CNTNAP2: variants seen among roughly 807,000 people sequenced by gnomAD.
CNTNAP2 encodes contactin associated protein 2.
Under a neutral mutation model 155.2 loss-of-function variants are expected in CNTNAP2, and 98 were observed. That is an observed-to-expected ratio of 0.63 (90% CI 0.54 to 0.75). The LOEUF (loss-of-function observed/expected upper bound fraction) is 0.75, where lower values mean the gene tolerates loss of function less well. Among genes scored for constraint, CNTNAP2 ranks in the 30% least tolerant of loss-of-function variants. The pLI, the probability that CNTNAP2 is intolerant of heterozygous loss-of-function variation, is 0.00. For synonymous variants in CNTNAP2, 651 were observed against 631.2 expected (o/e 1.03, Z -0.47); for missense variants, 1,727 against 1,688.1 (o/e 1.02, Z -0.40).
chr7:147,300,067 AT>A, intron 8 of CNTNAP2, 73 bp from the exon 9 acceptor site: 1 of 1,485,736 alleles, frequency 6.7e-7, no homozygotes, highest in Non-Finnish European at 9.4e-7. Flanking sequence ...TAAAATCGTG[AT>A]TTGTTGATTT....
intron 1 of CNTNAP2, among the ~76,000 whole-genome samples, chr7:146,257,738 A>G (rs1799860789): frequency 6.6e-6 from 1 of 152,214 alleles, no homozygotes; most frequent in South Asian, 2.1e-4. Flanking sequence ...TCAGGTGATA[A>G]TAAGGTCACT....
intron 4 of CNTNAP2, among the ~76,000 whole-genome samples, chr7:147,067,081 A>G (rs1269212137): frequency 6.6e-6 from 1 of 152,136 alleles, no homozygotes; most frequent in Non-Finnish European, 1.5e-5. Context: ...TCACGAGGTC[A>G]AGAGACCGAG....
At chr7:147,835,902 A>T (rs144937675) in intron 13 of CNTNAP2, among the ~76,000 whole-genome samples, 63 of 152,278 alleles carry the variant, frequency 4.1e-4, no homozygotes, top group Middle Eastern at 3.4e-3. Context: ...GCCAGGAGCC[A>T]TGAGAAGCTG....
chr7:148,014,043 C>A (rs1156888866), intron 15 of CNTNAP2: 1 of 151,978 alleles, frequency 6.6e-6, no homozygotes, highest in Non-Finnish European at 1.5e-5. Context: ...GTTGAGTTCT[C>A]CACACAAATC....
At chr7:148,258,404 T>A (rs1352670163) in intron 20 of CNTNAP2, among the ~76,000 whole-genome samples, 1 of 152,198 alleles carries the variant, frequency 6.6e-6, no homozygotes, top group South Asian at 2.1e-4. Context: ...ACAAAGTGAT[T>A]CTAGGGTTAG....
At chr7:147,585,726 GTGT>G (rs1407300452) in intron 12 of CNTNAP2, among the ~76,000 whole-genome samples, 2 of 151,324 alleles carry the variant, frequency 1.3e-5, no homozygotes, top group African/African-American at 4.9e-5. Context: ...AATTTCTGTG[GTGT>G]TTTACCTCTC....
At chr7:146,371,550 T>G (rs1795236485) in intron 1 of CNTNAP2, among the ~76,000 whole-genome samples, 1 of 151,898 alleles carries the variant, frequency 6.6e-6, no homozygotes, top group Non-Finnish European at 1.5e-5. Context: ...TTATTTTTTT[T>G]GTATTTTTAG....
intron 1 of CNTNAP2, among the ~76,000 whole-genome samples, chr7:146,567,671 T>G (rs959245011): frequency 6.6e-6 from 1 of 152,214 alleles, no homozygotes; most frequent in African/African-American, 2.4e-5. Flanking sequence ...ACAGTCTTAT[T>G]AGTGCCATGT....
Position 148,134,964 on chromosome 7 carries a change from A to T in CNTNAP2, c.2555-12527A>T, listed in dbSNP as rs561397201. 1.4e-4 allele frequency among the ~76,000 whole-genome samples: 21 copies of T among 152,254 alleles called. No individual in the cohort carries two copies. In the South Asian group the frequency reaches 1.9e-3, roughly 14 times the overall value. On this transcript the variant is annotated intron_variant, in intron 16 of 23. Transcript: ENST00000361727. ...ACAAAAATGAGATCATAGGGTACAT[A>T]CTGTTTTGTAACCTACTTTTTTATG...
At chr7:147,503,717 T>C (rs1337470009) in intron 11 of CNTNAP2, among the ~76,000 whole-genome samples, 1 of 152,210 alleles carries the variant, frequency 6.6e-6, no homozygotes, top group Non-Finnish European at 1.5e-5. Flanking sequence ...CAGCAATTAG[T>C]TCTGTGTAAT....
intron 3 of CNTNAP2, among the ~76,000 whole-genome samples, chr7:146,866,805 A>C (rs1795214049): frequency 6.6e-6 from 1 of 152,166 alleles, no homozygotes; most frequent in South Asian, 2.1e-4. Flanking sequence ...TTCTGCAATC[A>C]ATTACAGTAT....
At chr7:146,677,797 A>G (rs763979647) in intron 1 of CNTNAP2, among the ~76,000 whole-genome samples, 10 of 152,044 alleles carry the variant, frequency 6.6e-5, no homozygotes, top group Non-Finnish European at 1.5e-4. Flanking sequence ...TATATCAGAA[A>G]TTCCAGAAAC....
At chr7:146,709,570 C>G (rs1563197901) in intron 1 of CNTNAP2, among the ~76,000 whole-genome samples, 1 of 152,126 alleles carries the variant, frequency 6.6e-6, no homozygotes, top group African/African-American at 2.4e-5. Context: ...CCGGAGAACC[C>G]TGTTGCTGAA....
intron 14 of CNTNAP2, among the ~76,000 whole-genome samples, chr7:147,973,492 A>C (rs1801372818): frequency 6.6e-6 from 1 of 152,228 alleles, no homozygotes; most frequent in Non-Finnish European, 1.5e-5. Context: ...AAACTTCAAT[A>C]TAGCATTACA....
At chr7:147,835,589 G>T (rs904427638) in intron 13 of CNTNAP2, among the ~76,000 whole-genome samples, 2 of 152,138 alleles carry the variant, frequency 1.3e-5, no homozygotes, top group Admixed American at 1.3e-4. Context: ...TAATAATAAT[G>T]ATTGGAAATC....
intron 14 of CNTNAP2, among the ~76,000 whole-genome samples, chr7:147,953,700 G>A (rs1800974810): frequency 6.6e-6 from 1 of 152,042 alleles, no homozygotes; most frequent in African/African-American, 2.4e-5. Flanking sequence ...AGGTTCTAGA[G>A]GCCAGAAGCC....
chr7:146,585,410 G>A (rs113883141), intron 1 of CNTNAP2, among the ~76,000 whole-genome samples: 4,485 of 152,048 alleles, frequency 0.029, 233 homozygotes, highest in African/African-American at 0.1. Context: ...GTGAGCTACC[G>A]CACCCGGCCT....
intron 3 of CNTNAP2, among the ~76,000 whole-genome samples, chr7:146,955,906 C>T (rs181456480): frequency 2.6e-5 from 4 of 152,130 alleles, no homozygotes; most frequent in African/African-American, 7.2e-5. Context: ...CCGCAGTAAA[C>T]GGTCACTAGT....
At chr7:146,888,853 G>A (rs1795721298) in intron 3 of CNTNAP2, among the ~76,000 whole-genome samples, 1 of 152,028 alleles carries the variant, frequency 6.6e-6, no homozygotes, top group Non-Finnish European at 1.5e-5. Flanking sequence ...AGGGGAAATG[G>A]GGATATGATG....
Sources: gnomAD v4.1 joint callset for allele counts (sites outside exome capture counted in the v4.1 genomes callset) on GRCh38, gnomAD v4.1.1 for gene constraint, MANE v1.5 for transcripts, NCBI Gene and HGNC (gene_info 2026-07-23, HGNC 2026-07-21) for gene names.